The following CSMD3 variants were observed in gnomAD, a reference collection of about 807,000 sequenced individuals.
The protein encoded by CSMD3 is CUB and sushi domain-containing protein 3.
A neutral mutation model predicts 435.2 loss-of-function variants in CSMD3; 177 were observed. That is an observed-to-expected ratio of 0.41 (90% confidence interval 0.36 to 0.46). The LOEUF (loss-of-function observed/expected upper bound fraction) is 0.46. Ranked by LOEUF, CSMD3 falls within the 20% of genes least tolerant of loss-of-function variation. The probability of loss-of-function intolerance (pLI) is 0.34; values close to 1 mark genes in which losing one functional copy is unlikely to be tolerated. For missense variants in CSMD3, 4,265 were observed against 4,504.6 expected, an observed-to-expected ratio of 0.95 and a Z score of 1.52; for synonymous variants, 1,656 against 1,520.5, an observed-to-expected ratio of 1.09 and a Z score of -2.07.
chr8:112,874,123 G>A (rs2081212664), intron 10 of CSMD3, among the ~76,000 whole-genome samples: 1 of 151,870 alleles, frequency 6.6e-6, no homozygotes, highest in Admixed American at 6.6e-5. Context: ...TGTTTTCATT[G>A]GTTTCAAAGA....
At chr8:112,826,443 T>A in intron 12 of CSMD3, among the ~76,000 whole-genome samples, 1 of 134,964 alleles carries the variant, frequency 7.4e-6, no homozygotes, top group African/African-American at 2.8e-5. Flanking sequence ...GTTGGGACCC[T>A]AGGCCCTGGT....
intron 23 of CSMD3, among the ~76,000 whole-genome samples, chr8:112,581,106 T>A (rs1188008671): frequency 6.6e-6 from 1 of 152,132 alleles, no homozygotes; most frequent in African/African-American, 2.4e-5. Context: ...TTTATAAACA[T>A]CATTTAATTT....
At chr8:113,251,803 C>T (rs577233097) in intron 3 of CSMD3, among the ~76,000 whole-genome samples, 3 of 152,150 alleles carry the variant, frequency 2.0e-5, no homozygotes, top group African/African-American at 7.2e-5. Flanking sequence ...GACCTGAATT[C>T]TCCATGATCT....
At chr8:112,385,552 G>GT (rs1192111342) in intron 36 of CSMD3, among the ~76,000 whole-genome samples, 1 of 48,852 alleles carries the variant, frequency 2.0e-5, no homozygotes, top group African/African-American at 1.8e-4. Flanking sequence ...GAAAGTAAAA[G>GT]TGAAAGACAA....
intron 10 of CSMD3, among the ~76,000 whole-genome samples, chr8:112,901,971 A>T (rs2082118249): frequency 6.6e-6 from 1 of 151,274 alleles, no homozygotes; most frequent in Non-Finnish European, 1.5e-5. Flanking sequence ...ACTTTTCAAT[A>T]ATAATTAGTA....
intron 32 of CSMD3, among the ~76,000 whole-genome samples, chr8:112,436,045 T>C (rs1792179818): frequency 6.6e-6 from 1 of 151,944 alleles, no homozygotes; most frequent in Non-Finnish European, 1.5e-5. Context: ...CCAAATGACT[T>C]CCAGTCTAAC....
intron 61 of CSMD3, among the ~76,000 whole-genome samples, chr8:112,262,360 G>GT (rs1291753849): frequency 6.6e-6 from 1 of 152,068 alleles, no homozygotes; most frequent in African/African-American, 2.4e-5. Context: ...TAGCAATATA[G>GT]TTTTTATATC....
chr8:113,205,513 G>A (rs912483553), intron 3 of CSMD3, among the ~76,000 whole-genome samples: 2 of 152,106 alleles, frequency 1.3e-5, no homozygotes, highest in African/African-American at 2.4e-5. Flanking sequence ...TGTAGTAGGC[G>A]ATACCATCTA....
intron 1 of CSMD3, among the ~76,000 whole-genome samples, chr8:113,420,491 T>C (rs948889365): frequency 5.9e-5 from 9 of 151,790 alleles, no homozygotes; most frequent in African/African-American, 2.2e-4. Flanking sequence ...GGAAACAAAA[T>C]AGAAGTAGTA....
intron 38 of CSMD3, among the ~76,000 whole-genome samples, chr8:112,363,754 G>A (rs114312055): frequency 6.6e-6 from 1 of 152,114 alleles, no homozygotes; most frequent in African/African-American, 2.4e-5. Context: ...TGATAAATCT[G>A]TAAGGGCTTT....
At chr8:113,198,428 A>G (rs1417656295) in intron 3 of CSMD3, among the ~76,000 whole-genome samples, 1 of 151,256 alleles carries the variant, frequency 6.6e-6, no homozygotes, top group Non-Finnish European at 1.5e-5. Flanking sequence ...TAGCTGGGTG[A>G]CCTTCAGCAA....
rs536129083 is a variant in CSMD3, at chr8:113,185,736, C to G, written c.515-11820G>C. 5.4e-5 allele frequency among the ~76,000 whole-genome samples: 8 copies of G among 149,470 alleles called. No homozygotes were observed. In the South Asian group the frequency reaches 1.7e-3, roughly 31 times the overall value. On this transcript the variant is annotated intron_variant, in intron 3 of 70. Transcript: ENST00000297405. ...ATATTTTGGTGTGTGTGTGTGCATG[C>G]ATGTGTGCATGCGTGTGTGTGTGCA...
intron 32 of CSMD3, among the ~76,000 whole-genome samples, chr8:112,432,335 G>T (rs1055736575): frequency 1.3e-5 from 2 of 151,980 alleles, no homozygotes; most frequent in African/African-American, 4.8e-5. Context: ...TTAGGGTCTT[G>T]CTTTGTTGCC....
chr8:112,416,868 G>T (rs992042717), intron 32 of CSMD3, among the ~76,000 whole-genome samples: 1 of 151,528 alleles, frequency 6.6e-6, no homozygotes, highest in African/African-American at 2.4e-5. Flanking sequence ...ATCCTATGTA[G>T]AAGGTGATGG....
At chr8:113,123,438 T>C (rs999981667) in intron 4 of CSMD3, among the ~76,000 whole-genome samples, 1 of 152,090 alleles carries the variant, frequency 6.6e-6, no homozygotes, top group Non-Finnish European at 1.5e-5. Flanking sequence ...TAAAGTTCCT[T>C]TGAACTCAGC....
chr8:113,007,213 T>G (rs2131103112), intron 6 of CSMD3, among the ~76,000 whole-genome samples: 1 of 152,108 alleles, frequency 6.6e-6, no homozygotes, highest in South Asian at 2.1e-4. Context: ...GGGCTTGGAA[T>G]TTTAATTATA....
intron 9 of CSMD3, among the ~76,000 whole-genome samples, chr8:112,929,686 G>A (rs1249409745): frequency 3.3e-5 from 5 of 151,930 alleles, no homozygotes; most frequent in African/African-American, 1.2e-4. Flanking sequence ...GTAAGAAAAG[G>A]CACATAGTAG....
intron 31 of CSMD3, among the ~76,000 whole-genome samples, chr8:112,473,610 G>A (rs1394771472): frequency 1.3e-5 from 2 of 152,072 alleles, no homozygotes; most frequent in African/African-American, 4.8e-5. Context: ...GTTCAAAGAG[G>A]TAAATGTTGC....
At chr8:113,287,742 G>A (rs2093657260) in intron 2 of CSMD3, among the ~76,000 whole-genome samples, 1 of 151,898 alleles carries the variant, frequency 6.6e-6, no homozygotes, top group South Asian at 2.1e-4. Context: ...TAGAGGTGAG[G>A]TTTATGCATT....
Sources: allele counts gnomAD v4.1 joint callset (sites outside exome capture counted in the v4.1 genomes callset), GRCh38; gene constraint gnomAD v4.1.1; transcripts MANE v1.5; gene names NCBI Gene and HGNC (gene_info 2026-07-23, HGNC 2026-07-21).